The following HOMER1 variants were observed in gnomAD, a reference collection of about 807,000 sequenced individuals.
HOMER1 encodes homer scaffold protein 1, also known as homer protein homolog 1.
HOMER1 carries 3 observed loss-of-function variants against 48.9 expected under a neutral mutation model. The ratio of observed to expected loss-of-function variants is 0.06; its 90% CI spans 0.03 to 0.16. The LOEUF (loss-of-function observed/expected upper bound fraction) is 0.16. Ranked by LOEUF, HOMER1 falls within the 10% of genes least tolerant of loss-of-function variation. HOMER1 has a pLI of 1.00. For synonymous variants in HOMER1, 134 were observed against 146.4 expected (o/e 0.92, Z 0.61); for missense variants, 247 against 411.4 (o/e 0.60, Z 3.46).
At chr5:79,498,198 C>T (rs964610924) in intron 1 of HOMER1, among the ~76,000 whole-genome samples, 18 of 152,066 alleles carry the variant, frequency 1.2e-4, no homozygotes, top group African/African-American at 3.9e-4. Context: ...GCCTGGAGTT[C>T]GAGACCAGCC....
chr5:79,482,200 C>G (rs1363867458), intron 1 of HOMER1, among the ~76,000 whole-genome samples: 1 of 152,026 alleles, frequency 6.6e-6, no homozygotes, highest in African/African-American at 2.4e-5. Context: ...GCCTGGGCAA[C>G]AAGAGTGACA....
intron 6 of HOMER1, among the ~76,000 whole-genome samples, chr5:79,398,308 T>TACAC (rs139315456): frequency 0.34 from 50,481 of 149,368 alleles, 9,284 homozygotes; most frequent in African/African-American, 0.48. Flanking sequence ...TCAATATAAA[T>TACAC]ACACACACAC....
chr5:79,395,988 C>G (rs1580421907), intron 8 of HOMER1, among the ~76,000 whole-genome samples: 1 of 152,264 alleles, frequency 6.6e-6, no homozygotes, highest in African/African-American at 2.4e-5. Context: ...ATTCCTCACT[C>G]TATACATATA....
At chr5:79,441,130 G>A (rs1750725414) in intron 4 of HOMER1, among the ~76,000 whole-genome samples, 1 of 151,978 alleles carries the variant, frequency 6.6e-6, no homozygotes, top group Non-Finnish European at 1.5e-5. Flanking sequence ...ACTCCAGCCT[G>A]GGCAACAGAG....
chr5:79,400,680 A>G (rs1470935924), intron 6 of HOMER1, among the ~76,000 whole-genome samples: 5 of 149,970 alleles, frequency 3.3e-5, no homozygotes, highest in Admixed American at 1.3e-4. Flanking sequence ...AAAAGGAGAA[A>G]TTAAAGGCAT....
At position 79,397,501 on chromosome 5, in the gene HOMER1, A is replaced by T. The variant is rs781138440; in HGVS notation, c.795+26T>A. ...TTTGTACAAACATGTTAGCTAGATTACAGATGAGTAAAAAGCAGCAAATAC... is the reference window on the plus strand; with the variant it reads ...TTTGTACAAACATGTTAGCTAGATTTCAGATGAGTAAAAAGCAGCAAATAC... On this transcript the variant is annotated intron_variant, in intron 7 of 8. Coordinates refer to ENST00000334082, the MANE Select transcript of HOMER1 (RefSeq NM_004272.5). 2.5e-6 allele frequency: 3 copies of T among 1,222,228 alleles called. No individual in the cohort carries two copies. In the African/African-American group the frequency reaches 4.5e-5, roughly 18 times the overall value. 75.7% of individuals were successfully genotyped at this position (1,222,228 alleles called of 1,614,324 possible).
intron 5 of HOMER1, among the ~76,000 whole-genome samples, chr5:79,435,774 T>A (rs993725352): frequency 6.6e-5 from 10 of 150,670 alleles, no homozygotes; most frequent in African/African-American, 2.4e-4. Flanking sequence ...GAGCTTGCAG[T>A]GAGCCAAGAT....
At chr5:79,488,214 C>T (rs1378602136) in intron 1 of HOMER1, among the ~76,000 whole-genome samples, 1 of 152,110 alleles carries the variant, frequency 6.6e-6, no homozygotes, top group Non-Finnish European at 1.5e-5. Flanking sequence ...AAGCAGACAA[C>T]TATGTAAGTT....
intron 5 of HOMER1, among the ~76,000 whole-genome samples, chr5:79,419,669 G>A (rs1471182032): frequency 6.6e-6 from 1 of 151,660 alleles, no homozygotes; most frequent in Non-Finnish European, 1.5e-5. Context: ...AATGACTTGT[G>A]GCAACAAACT....
Position 79,500,952 on chromosome 5 carries a change from T to TGTGTGTGTGA in HOMER1, c.5+11817_5+11818insTCACACACAC, listed in dbSNP as rs750225307. Among the ~76,000 whole-genome samples the TGTGTGTGTGA allele has an allele frequency of 8.3e-5, 9 of 108,560 alleles. No homozygotes were observed. In the East Asian group the frequency reaches 1.8e-3, roughly 22 times the overall value. 71.2% of individuals were successfully genotyped at this position (108,560 alleles called of 152,430 possible). A position where few individuals can be genotyped will look rare whatever the true frequency, so the allele number is the denominator to read the frequency against. On this transcript the variant is annotated intron_variant, in intron 1 of 8. Coordinates refer to ENST00000334082, the MANE Select transcript of HOMER1 (RefSeq NM_004272.5). Reference sequence around the variant, plus strand: ...TTGTGTGTGTGTGTGTGTGTGTGTGTGAGACAGACAGACACACACACACAC... The same window carrying TGTGTGTGTGA: ...TTGTGTGTGTGTGTGTGTGTGTGTGTGTGTGTGTGAGAGACAGACAGACACACACACACAC...
At chr5:79,380,495 G>C (rs1384577945) in intron 8 of HOMER1, among the ~76,000 whole-genome samples, 2 of 152,220 alleles carry the variant, frequency 1.3e-5, no homozygotes, top group Non-Finnish European at 2.9e-5. Flanking sequence ...ACCACCGTCA[G>C]GGCTGAGGCA....
At chr5:79,409,408 G>A (rs1336303664) in intron 5 of HOMER1, among the ~76,000 whole-genome samples, 2 of 146,980 alleles carry the variant, frequency 1.4e-5, no homozygotes, top group East Asian at 2.0e-4. Context: ...CCCCAGCCTC[G>A]GCGACAGGGC....
chr5:79,454,530 T>C (rs916340216), intron 2 of HOMER1, among the ~76,000 whole-genome samples: 1 of 152,048 alleles, frequency 6.6e-6, no homozygotes, highest in Non-Finnish European at 1.5e-5. Context: ...TTACAAAATA[T>C]GACAAAATTA....
At chr5:79,438,047 G>A (rs1201335123) in intron 5 of HOMER1, among the ~76,000 whole-genome samples, 1 of 151,902 alleles carries the variant, frequency 6.6e-6, no homozygotes, top group East Asian at 1.9e-4. Flanking sequence ...CTCTACTAAG[G>A]GCATTTAATC....
chr5:79,414,587 C>T (rs1364567400), intron 5 of HOMER1, among the ~76,000 whole-genome samples: 1 of 152,066 alleles, frequency 6.6e-6, no homozygotes, highest in Non-Finnish European at 1.5e-5. Flanking sequence ...TTATGTTGCC[C>T]AGGCTGGTCT....
At chr5:79,406,285 T>C (rs542690551) in intron 5 of HOMER1, among the ~76,000 whole-genome samples, 4 of 152,336 alleles carry the variant, frequency 2.6e-5, no homozygotes, top group South Asian at 4.1e-4. Flanking sequence ...TGGTAAAATC[T>C]TGAAATATAC....
intron 6 of HOMER1, among the ~76,000 whole-genome samples, chr5:79,400,563 C>G (rs1311557258): frequency 2.1e-4 from 31 of 151,212 alleles, no homozygotes; most frequent in African/African-American, 7.0e-4. Flanking sequence ...CACCATGTTG[C>G]CCAGGCTGGT....
intron 5 of HOMER1, among the ~76,000 whole-genome samples, chr5:79,418,065 A>C (rs1239334270): frequency 6.6e-6 from 1 of 152,246 alleles, no homozygotes; most frequent in African/African-American, 2.4e-5. Context: ...AGGAGGCCAG[A>C]ATCAAAGGAT....
At chr5:79,449,184 A>G (rs1175565124) in intron 3 of HOMER1, among the ~76,000 whole-genome samples, 1 of 152,192 alleles carries the variant, frequency 6.6e-6, no homozygotes, top group Non-Finnish European at 1.5e-5. Flanking sequence ...TAGTTCTTGT[A>G]TTGTCAAGTT....
Sources: allele counts gnomAD v4.1 joint callset (sites outside exome capture counted in the v4.1 genomes callset), GRCh38; gene constraint gnomAD v4.1.1; transcripts MANE v1.5; gene names NCBI Gene and HGNC (gene_info 2026-07-23, HGNC 2026-07-21).